TCEA1: variants seen among roughly 807,000 people sequenced by gnomAD.
The protein encoded by TCEA1 is transcription elongation factor A1.
A neutral mutation model predicts 43.8 loss-of-function variants in TCEA1; 21 were observed. The ratio of observed to expected loss-of-function variants is 0.48; its 90% CI spans 0.34 to 0.69. The LOEUF is 0.69. Ranked by LOEUF, TCEA1 falls within the 30% of genes least tolerant of loss-of-function variation. TCEA1 has a pLI of 0.01. For synonymous variants in TCEA1, 104 were observed against 117.5 expected (o/e 0.88, Z 0.75); for missense variants, 250 against 365.1 (o/e 0.68, Z 2.57).
intron 4 of TCEA1, among the ~76,000 whole-genome samples, chr8:53,988,575 G>C (rs1803766868): frequency 6.6e-6 from 1 of 152,138 alleles, no homozygotes; most frequent in South Asian, 2.1e-4. Context: ...GAAAAGCAAT[G>C]ATCTTGGTAT....
intron 8 of TCEA1, among the ~76,000 whole-genome samples, chr8:53,975,332 A>AT (rs1320670420): frequency 4.6e-5 from 7 of 152,094 alleles, no homozygotes; most frequent in Admixed American, 6.5e-5. Context: ...TATTACTCAT[A>AT]TTTTTCTGTA....
intron 8 of TCEA1, chr8:53,972,394 G>C: frequency 1.8e-6 from 1 of 550,804 alleles, no homozygotes; most frequent in South Asian, 1.4e-5. Context: ...ATAGAAACTA[G>C]TTCTGAAAAT....
In TCEA1 at chr8:53,999,997, C is replaced by T. The variant is rs761628296; in HGVS notation, c.180G>A (p.Glu60=). 11 of 1,604,402 alleles carry T rather than the reference C, an allele frequency of 6.9e-6. No homozygotes were observed. The South Asian group carries it at 1.1e-4, about 16-fold the overall frequency. ...VNAIRKQSTD[E]EVTSLAKSLI... ...GAGACTTTGCCAAAGATGTAACTTC[C>T]TCATCTGTACTCTGCTTGCGAATAG... The change falls in exon 3 of 10, where the codon GAG becomes GAA. Residue 60 remains glutamate, a synonymous_variant. Coordinates refer to ENST00000521604, the MANE Select transcript of TCEA1 (RefSeq NM_006756.4).
Position 54,022,223 on chromosome 8 carries a change from A to G in TCEA1, c.-98T>C. On this transcript the variant is annotated 5_prime_UTR_variant, in exon 1 of 10. Coordinates refer to ENST00000521604, the MANE Select transcript of TCEA1 (RefSeq NM_006756.4). ...GCAGGAGCGACCCCCGGCGCGCAGCAACCCCCACCACCGCAGGCCCGGGCC... is the reference window on the plus strand; with the variant it reads ...GCAGGAGCGACCCCCGGCGCGCAGCGACCCCCACCACCGCAGGCCCGGGCC... 6 of 1,357,656 alleles carry G rather than the reference A, an allele frequency of 4.4e-6. No individual in the cohort carries two copies. Among genetic ancestry groups the G allele is most frequent in the Admixed American group, 1.8e-5 (1 of 54,208 alleles). The allele number at this position is 1,357,656 out of a possible 1,614,324, so 84.1% of individuals were successfully genotyped here. A position where few individuals can be genotyped will look rare whatever the true frequency, so the allele number is the denominator to read the frequency against.
At chr8:53,970,534 A>G in intron 8 of TCEA1, 71 bp from the exon 9 acceptor site, 2 of 723,674 alleles carry the variant, frequency 2.8e-6, no homozygotes, top group Admixed American at 2.7e-5. Flanking sequence ...AATGTTATAC[A>G]TAAAGATATA....
At chr8:53,990,216 CAACA>C (rs1232956474) in intron 4 of TCEA1, among the ~76,000 whole-genome samples, 1 of 151,416 alleles carries the variant, frequency 6.6e-6, no homozygotes, top group African/African-American at 2.4e-5. Context: ...AAAAATAATC[CAACA>C]AACAAACCTT....
chr8:54,001,814 A>C (rs1804273047), intron 2 of TCEA1, among the ~76,000 whole-genome samples: 1 of 152,102 alleles, frequency 6.6e-6, no homozygotes, highest in African/African-American at 2.4e-5. Context: ...ATCTTGTAAT[A>C]AACATGCTTA....
chr8:54,016,266 G>A (rs1245714550), intron 1 of TCEA1, among the ~76,000 whole-genome samples: 1 of 152,082 alleles, frequency 6.6e-6, no homozygotes, highest in East Asian at 1.9e-4. Context: ...CATGAAGTCA[G>A]GAGATCGAGA....
intron 3 of TCEA1, among the ~76,000 whole-genome samples, chr8:53,995,735 C>T (rs1177431982): frequency 1.3e-5 from 2 of 152,178 alleles, no homozygotes; most frequent in East Asian, 3.8e-4. Context: ...GGCAGTGAGG[C>T]GCAAGCATCA....
chr8:54,012,615 C>T lies in TCEA1; in HGVS notation c.64-2123G>A, dbSNP rs181054984. Among the ~76,000 whole-genome samples, 180 of 152,176 alleles carry T rather than the reference C, an allele frequency of 1.2e-3. 1 individual carries two copies. The highest frequency in any genetic ancestry group is 4.1e-3 in the African/African-American group (172 of 41,518). ...ATGTTAATGTCTGGTTGCTGAAGTG[C>T]CCAAATCCTGCTGGGGGTATTATGT... On this transcript the variant is annotated intron_variant, in intron 1 of 9. Coordinates refer to ENST00000521604, the MANE Select transcript of TCEA1 (RefSeq NM_006756.4).
intron 8 of TCEA1, among the ~76,000 whole-genome samples, chr8:53,974,785 C>T (rs568376715): frequency 2.6e-5 from 4 of 152,280 alleles, no homozygotes; most frequent in Admixed American, 2.0e-4. Flanking sequence ...CTGCCTCAGC[C>T]TCCCAAAGTG....
intron 4 of TCEA1, among the ~76,000 whole-genome samples, chr8:53,991,938 TAACATG>T (rs1431559973): frequency 7.9e-5 from 12 of 152,020 alleles, no homozygotes; most frequent in Admixed American, 7.9e-4. Context: ...ACATTAACAT[TAACATG>T]AAGAGTACAT....
chr8:54,014,003 G>T (rs1804741591), intron 1 of TCEA1, among the ~76,000 whole-genome samples: 1 of 152,130 alleles, frequency 6.6e-6, no homozygotes, highest in Non-Finnish European at 1.5e-5. Context: ...TACTGTACTG[G>T]GGATACAGCA....
intron 8 of TCEA1, chr8:53,973,468 A>C (rs1417036398): frequency 2.0e-6 from 1 of 497,306 alleles, no homozygotes; most frequent in Non-Finnish European, 3.8e-6. Flanking sequence ...TACTTTGCTA[A>C]AGAAGTTTAA....
At chr8:54,017,184 G>T (rs1173279053) in intron 1 of TCEA1, among the ~76,000 whole-genome samples, 1 of 152,012 alleles carries the variant, frequency 6.6e-6, no homozygotes, top group Non-Finnish European at 1.5e-5. Flanking sequence ...TAGGTACAGG[G>T]TTTCTTTTTG....
intron 2 of TCEA1, among the ~76,000 whole-genome samples, chr8:54,004,251 G>A (rs767236851): frequency 1.3e-5 from 2 of 152,058 alleles, no homozygotes; most frequent in Non-Finnish European, 2.9e-5. Flanking sequence ...TAAACACACA[G>A]TTACCACATA....
intron 2 of TCEA1, among the ~76,000 whole-genome samples, chr8:54,004,878 G>A (rs1397345902): frequency 1.3e-5 from 2 of 151,956 alleles, no homozygotes; most frequent in Non-Finnish European, 2.9e-5. Context: ...TATTCAGCAT[G>A]TGGAATAATA....
intron 4 of TCEA1, among the ~76,000 whole-genome samples, chr8:53,992,397 G>C (rs1338553112): frequency 6.6e-6 from 1 of 151,922 alleles, no homozygotes; most frequent in African/African-American, 2.4e-5. Flanking sequence ...CGGATCACCT[G>C]AAATCAGGAG....
In TCEA1 at chr8:54,001,883, C is replaced by A. The variant is rs183347272; in HGVS notation, c.127-1833G>T. 3.7e-4 allele frequency among the ~76,000 whole-genome samples: 57 copies of A among 152,076 alleles called. No individual in the cohort carries two copies. The East Asian group carries it at 0.01, about 27-fold the overall frequency. On this transcript the variant is annotated intron_variant, in intron 2 of 9. Transcript: ENST00000521604. ...GAAATGAGGGGCACGGTGGCTCACA[C>A]CTGTAATCCCAGCACTTTGGGAGGC...
Sources: gnomAD v4.1 joint callset for allele counts (sites outside exome capture counted in the v4.1 genomes callset) on GRCh38, gnomAD v4.1.1 for gene constraint, MANE v1.5 for transcripts, NCBI Gene and HGNC (gene_info 2026-07-23, HGNC 2026-07-21) for gene names.